The following GATAD2A variants were observed in gnomAD, a reference collection of about 807,000 sequenced individuals.
GATAD2A encodes transcriptional repressor p66-alpha.
Under a neutral mutation model 68.5 loss-of-function variants are expected in GATAD2A, and 12 were observed. That is an observed-to-expected ratio of 0.18 (90% CI 0.11 to 0.28). The LOEUF is 0.28. Among genes scored for constraint, GATAD2A ranks in the 10% least tolerant of loss-of-function variants. The pLI is 1.00. For synonymous variants in GATAD2A, 410 were observed against 375.3 expected (o/e 1.09, Z -1.07); for missense variants, 755 against 868.5 (o/e 0.87, Z 1.64).
chr19:19,495,648 A>C (rs111485589), intron 5 of GATAD2A, 106 bp from the exon 6 acceptor site: 8 of 1,047,482 alleles, frequency 7.6e-6, no homozygotes, highest in African/African-American at 1.7e-5. Flanking sequence ...AAAAAAAAAA[A>C]AAAAAAACTA....
At chr19:19,487,571 T>TG (rs780511620) in intron 2 of GATAD2A, among the ~76,000 whole-genome samples, 122 of 151,482 alleles carry the variant, frequency 8.1e-4, no homozygotes, top group Middle Eastern at 3.4e-3. Context: ...TGGGAAGCTC[T>TG]GGGGGGTTTC....
At chr19:19,394,958 T>C (rs1054252993) in intron 1 of GATAD2A, among the ~76,000 whole-genome samples, 5 of 152,156 alleles carry the variant, frequency 3.3e-5, no homozygotes, top group South Asian at 2.1e-4. Flanking sequence ...TCTTTTTTTT[T>C]CCCTTCCACC....
chr19:19,440,716 A>G (rs1453017093), intron 1 of GATAD2A, among the ~76,000 whole-genome samples: 1 of 152,186 alleles, frequency 6.6e-6, no homozygotes, highest in Non-Finnish European at 1.5e-5. Flanking sequence ...TGGCAGTGGA[A>G]GGGGAAGCAA....
chr19:19,481,088 C>T (rs1202973028), intron 2 of GATAD2A, among the ~76,000 whole-genome samples: 1 of 152,170 alleles, frequency 6.6e-6, no homozygotes, highest in East Asian at 1.9e-4. Flanking sequence ...GTCCTTCCTC[C>T]ACCCTGCTTG....
intron 2 of GATAD2A, among the ~76,000 whole-genome samples, chr19:19,491,154 C>G (rs564751367): frequency 3.3e-5 from 5 of 152,144 alleles, no homozygotes; most frequent in African/African-American, 1.2e-4. Context: ...GCACTTGTCT[C>G]GGAGCCTGGC....
At position 19,505,891 on chromosome 19, in the gene GATAD2A, G is replaced by A. The variant is rs532644316; in HGVS notation, c.*417G>A. The A allele has an allele frequency of 4.2e-4, 166 of 399,098 alleles. No individual in the cohort carries two copies. Among genetic ancestry groups the A allele is most frequent in the African/African-American group, 2.5e-3 (124 of 48,746 alleles). 24.7% of individuals were successfully genotyped at this position (399,098 alleles called of 1,614,324 possible). Reference sequence around the variant, plus strand: ...AGCGCCCGGGGCTTCTGAACCGAGCGGGGTGTTTCATTTTTTTGCTTTTCC... The same window carrying A: ...AGCGCCCGGGGCTTCTGAACCGAGCAGGGTGTTTCATTTTTTTGCTTTTCC... On this transcript the variant is annotated 3_prime_UTR_variant, in exon 12 of 12. Transcript: ENST00000683918.
intron 1 of GATAD2A, among the ~76,000 whole-genome samples, chr19:19,439,404 A>G (rs2054730423): frequency 6.6e-6 from 1 of 152,136 alleles, no homozygotes; most frequent in South Asian, 2.1e-4. Context: ...TTTCTAATAT[A>G]AGAATCCTGC....
chr19:19,465,274 G>A, intron 1 of GATAD2A, 66 bp from the exon 2 acceptor site: 1 of 1,229,460 alleles, frequency 8.1e-7, no homozygotes, highest in Admixed American at 1.7e-5. Flanking sequence ...ACACTGAAAA[G>A]TCTCCAAGAA....
intron 2 of GATAD2A, among the ~76,000 whole-genome samples, chr19:19,489,178 C>T (rs1014828071): frequency 6.6e-6 from 1 of 152,202 alleles, no homozygotes; most frequent in African/African-American, 2.4e-5. Context: ...AGTGACCCTG[C>T]TGTGTGCGGT....
At chr19:19,469,544 A>G (rs1349683003) in intron 2 of GATAD2A, among the ~76,000 whole-genome samples, 2 of 152,260 alleles carry the variant, frequency 1.3e-5, no homozygotes, top group East Asian at 3.8e-4. Context: ...ACAAGAGGAC[A>G]TGTAGAAAAC....
At chr19:19,407,215 A>T (rs2050382410) in intron 1 of GATAD2A, among the ~76,000 whole-genome samples, 1 of 152,208 alleles carries the variant, frequency 6.6e-6, no homozygotes. Flanking sequence ...CTCTTCTGGT[A>T]GTCGTTACAA....
intron 1 of GATAD2A, chr19:19,436,166 G>A: frequency 7.3e-7 from 1 of 1,366,464 alleles, no homozygotes; most frequent in Non-Finnish European, 9.8e-7. Flanking sequence ...GCCTTTTGAT[G>A]TCACTGTGGC....
intron 1 of GATAD2A, among the ~76,000 whole-genome samples, chr19:19,387,063 C>A (rs1160374344): frequency 1.3e-5 from 2 of 152,054 alleles, no homozygotes; most frequent in Admixed American, 1.3e-4. Context: ...CTCTGAGGGT[C>A]CCCCGCTTTC....
rs569334153 is a variant in GATAD2A, at chr19:19,498,488, G to T, written c.970G>T (p.Ala324Ser). The T allele has an allele frequency of 3.0e-5, 48 of 1,613,456 alleles. No homozygotes were observed. Among genetic ancestry groups the T allele is most frequent in the Middle Eastern group, 1.6e-4 (1 of 6,062 alleles). Reference sequence around the variant, plus strand: ...GGGGACAACAGCCACCTCCGCTCAGGCCAACTCCACCCCCACTAGTGTGGC... The same window carrying T: ...GGGGACAACAGCCACCTCCGCTCAGTCCAACTCCACCCCCACTAGTGTGGC... ...LKGTTATSAQ[A>S]NSTPTSVASV... The change falls in exon 8 of 12, where the codon GCC becomes TCC. Residue 324 changes from alanine (A) to serine (S), a missense_variant. Ala to Ser is a moderately conservative substitution (Grantham distance 99). Transcript: ENST00000683918.
intron 1 of GATAD2A, among the ~76,000 whole-genome samples, chr19:19,447,822 A>G (rs898719123): frequency 5.3e-5 from 8 of 152,216 alleles, no homozygotes; most frequent in Admixed American, 1.3e-4. Context: ...ATGGCAACAG[A>G]TGAATTTTTG....
At chr19:19,406,467 G>C (rs923234147) in intron 1 of GATAD2A, among the ~76,000 whole-genome samples, 3 of 151,834 alleles carry the variant, frequency 2.0e-5, no homozygotes, top group Non-Finnish European at 4.4e-5. Context: ...GGCGGCGGCG[G>C]CGGCGGCGGC....
chr19:19,405,349 G>A (rs781254467), upstream of GATAD2A, among the ~76,000 whole-genome samples: 1 of 152,212 alleles, frequency 6.6e-6, no homozygotes, highest in African/African-American at 2.4e-5. Flanking sequence ...GCTTGAGGTC[G>A]CCCAGCTCAG....
intron 1 of GATAD2A, among the ~76,000 whole-genome samples, chr19:19,423,065 G>C (rs957726776): frequency 2.0e-5 from 3 of 152,156 alleles, no homozygotes; most frequent in Admixed American, 1.3e-4. Flanking sequence ...GGCGTGCAGT[G>C]GCACAAAAAT....
chr19:19,481,187 G>A (rs2059031783), intron 2 of GATAD2A, among the ~76,000 whole-genome samples: 1 of 152,102 alleles, frequency 6.6e-6, no homozygotes, highest in Non-Finnish European at 1.5e-5. Flanking sequence ...GCGATCAGTG[G>A]CCAGGGTTTC....
Sources: allele counts gnomAD v4.1 joint callset (sites outside exome capture counted in the v4.1 genomes callset), GRCh38; gene constraint gnomAD v4.1.1; transcripts MANE v1.5; gene names NCBI Gene and HGNC (gene_info 2026-07-23, HGNC 2026-07-21).